The following CADM2 variants were observed in gnomAD, a reference collection of about 807,000 sequenced individuals.
The protein encoded by CADM2 is cell adhesion molecule 2.
Under a neutral mutation model 49.8 loss-of-function variants are expected in CADM2, and 12 were observed. The observed-to-expected ratio is 0.24, with a 90% CI of 0.15 to 0.39. CADM2 has a LOEUF of 0.39. Among genes scored for constraint, CADM2 ranks in the 10% least tolerant of loss-of-function variants. CADM2 has a pLI of 1.00. For missense variants in CADM2, 378 were observed against 492.3 expected (o/e 0.77, Z 2.20); for synonymous variants, 214 against 175.4 (o/e 1.22, Z -1.74).
rs72917436 is a variant in CADM2 at position 84,971,102 on chromosome 3, G to A, written c.61+11434G>A. Among the ~76,000 whole-genome samples the A allele has an allele frequency of 8.2e-3, 1,244 of 152,144 alleles. 13 individuals carry two copies. The highest frequency in any genetic ancestry group is 0.028 in the African/African-American group (1,160 of 41,524). On this transcript the variant is annotated intron_variant, in intron 1 of 9. Transcript: ENST00000383699. ...CTTCATATTTTCAAGACTTTTAGTCGTAATGATTCACTTAAAATTGAATTT... is the reference window on the plus strand; with the variant it reads ...CTTCATATTTTCAAGACTTTTAGTCATAATGATTCACTTAAAATTGAATTT...
chr3:85,742,888 G>A (rs1384833436), intron 2 of CADM2, among the ~76,000 whole-genome samples: 4 of 152,074 alleles, frequency 2.6e-5, no homozygotes, highest in African/African-American at 9.7e-5. Flanking sequence ...TTCTTTCAAA[G>A]GGAATATATT....
chr3:85,220,671 T>C (rs1278181331), intron 1 of CADM2, among the ~76,000 whole-genome samples: 1 of 152,114 alleles, frequency 6.6e-6, no homozygotes. Context: ...ATTAGAACTA[T>C]ATTTTAAGGG....
chr3:85,901,240 A>G (rs961858883), intron 5 of CADM2, among the ~76,000 whole-genome samples: 1 of 152,130 alleles, frequency 6.6e-6, no homozygotes, highest in African/African-American at 2.4e-5. Context: ...AAAAGACATT[A>G]GATCCAAACA....
chr3:85,886,092 T>C, intron 4 of CADM2, 98 bp from the exon 5 acceptor site: 3 of 1,525,814 alleles, frequency 2.0e-6, no homozygotes, highest in Non-Finnish European at 2.7e-6. Flanking sequence ...TTCTTGTCAA[T>C]TAACCATCCA....
At chr3:85,576,257 A>C (rs531906317) in intron 1 of CADM2, among the ~76,000 whole-genome samples, 30 of 152,274 alleles carry the variant, frequency 2.0e-4, no homozygotes, top group African/African-American at 7.2e-4. Flanking sequence ...TGCCTGAAAG[A>C]GGTAGGCAAG....
chr3:85,386,251 G>A (rs1051969583), intron 1 of CADM2, among the ~76,000 whole-genome samples: 1 of 152,104 alleles, frequency 6.6e-6, no homozygotes, highest in Non-Finnish European at 1.5e-5. Context: ...TGAGAGATAT[G>A]CACTTAGTTG....
chr3:85,965,961 C>A (rs1410076839), intron 8 of CADM2, among the ~76,000 whole-genome samples: 2 of 151,610 alleles, frequency 1.3e-5, no homozygotes, highest in Non-Finnish European at 3.0e-5. Context: ...AGAACATCTA[C>A]GGAAAGTGAG....
At chr3:85,448,584 A>T (rs2037588401) in intron 1 of CADM2, among the ~76,000 whole-genome samples, 1 of 151,928 alleles carries the variant, frequency 6.6e-6, no homozygotes, top group African/African-American at 2.4e-5. Context: ...CAGTGTATAG[A>T]TTTTGCACAT....
chr3:84,959,302 C>G lies in CADM2; in HGVS notation c.-306C>G, dbSNP rs902439365. 4 of 509,002 alleles carry G rather than the reference C, an allele frequency of 7.9e-6. No homozygotes were observed. The highest frequency in any genetic ancestry group is 5.9e-5 in the African/African-American group (3 of 50,886). The allele number at this position is 509,002 out of a possible 1,614,324, so 31.5% of individuals were successfully genotyped here. Reference sequence around the variant, plus strand: ...CAGCCCCGGCGGGCTCTGGGACTTGCTGTGCGCGCCGAGAGGAAGGCAAGC... The same window carrying G: ...CAGCCCCGGCGGGCTCTGGGACTTGGTGTGCGCGCCGAGAGGAAGGCAAGC... On this transcript the variant is annotated 5_prime_UTR_variant, in exon 1 of 10. Transcript: ENST00000383699.
At chr3:86,022,201 A>C (rs1733280993) in intron 8 of CADM2, among the ~76,000 whole-genome samples, 1 of 152,132 alleles carries the variant, frequency 6.6e-6, no homozygotes, top group Non-Finnish European at 1.5e-5. Flanking sequence ...TTTAATTATA[A>C]ATACACATAC....
intron 1 of CADM2, among the ~76,000 whole-genome samples, chr3:85,398,458 A>G (rs111533938): frequency 5.9e-5 from 9 of 152,212 alleles, no homozygotes; most frequent in Admixed American, 1.3e-4. Context: ...TAGTGCCGCA[A>G]TAAACATACA....
At chr3:85,780,873 C>T (rs2070603841) in intron 2 of CADM2, among the ~76,000 whole-genome samples, 1 of 152,112 alleles carries the variant, frequency 6.6e-6, no homozygotes, top group South Asian at 2.1e-4. Flanking sequence ...AACCTTGTGA[C>T]TTGTTTCGGC....
intron 1 of CADM2, among the ~76,000 whole-genome samples, chr3:85,628,436 T>C (rs2064188680): frequency 6.6e-6 from 1 of 151,308 alleles, no homozygotes; most frequent in South Asian, 2.1e-4. Flanking sequence ...CTCCAGGTTT[T>C]ATTTACAGAT....
At chr3:85,775,868 T>A (rs1362614658) in intron 2 of CADM2, among the ~76,000 whole-genome samples, 3 of 151,934 alleles carry the variant, frequency 2.0e-5, no homozygotes, top group South Asian at 2.1e-4. Context: ...AAATTACCTT[T>A]AAAATAATTC....
intron 1 of CADM2, among the ~76,000 whole-genome samples, chr3:85,177,472 C>T (rs1485224250): frequency 6.6e-6 from 1 of 151,546 alleles, no homozygotes; most frequent in African/African-American, 2.4e-5. Context: ...GTAATTTCAA[C>T]TAATGGAAAT....
intron 1 of CADM2, among the ~76,000 whole-genome samples, chr3:85,349,126 T>A (rs1390757261): frequency 1.3e-5 from 2 of 152,172 alleles, no homozygotes; most frequent in Non-Finnish European, 2.9e-5. Context: ...CCTCCCCTGT[T>A]CTAAATGCCA....
intron 1 of CADM2, among the ~76,000 whole-genome samples, chr3:85,292,007 A>C (rs1369757214): frequency 3.3e-5 from 5 of 152,130 alleles, no homozygotes; most frequent in Admixed American, 2.0e-4. Context: ...TTGGATAAAC[A>C]GTCAAGACCC....
At chr3:85,455,471 A>T (rs1308426990) in intron 1 of CADM2, among the ~76,000 whole-genome samples, 1 of 152,222 alleles carries the variant, frequency 6.6e-6, no homozygotes, top group Non-Finnish European at 1.5e-5. Context: ...AGTAAAGAAC[A>T]TGTAAGTTGA....
Position 84,991,038 on chromosome 3 carries a change from A to G in CADM2, c.61+31370A>G, listed in dbSNP as rs182827720. On this transcript the variant is annotated intron_variant, in intron 1 of 9. Transcript: ENST00000383699. ...TCACAACTCCATTTTACTGACTTTT[A>G]CTCATTGAATGAGCCAAATCAACTG... Among the ~76,000 whole-genome samples, 390 of 152,164 alleles carry G rather than the reference A, an allele frequency of 2.6e-3. 4 individuals carry two copies. Among genetic ancestry groups the G allele is most frequent in the African/African-American group, 9.2e-3 (381 of 41,522 alleles).
Sources: allele counts gnomAD v4.1 joint callset (sites outside exome capture counted in the v4.1 genomes callset), GRCh38; gene constraint gnomAD v4.1.1; transcripts MANE v1.5; gene names NCBI Gene and HGNC (gene_info 2026-07-23, HGNC 2026-07-21).